The following LDLRAD3 variants were observed in gnomAD, a reference collection of about 807,000 sequenced individuals.
The protein encoded by LDLRAD3 is low density lipoprotein receptor class A domain containing 3.
In LDLRAD3, 20 loss-of-function variants were observed where a neutral mutation model predicts 29.4. The ratio of observed to expected loss-of-function variants is 0.68; its 90% CI spans 0.48 to 0.99. The LOEUF is 0.99. Among genes scored for constraint, LDLRAD3 ranks in the 50% least tolerant of loss-of-function variants. LDLRAD3 has a pLI of 0.00. For missense variants in LDLRAD3, 420 were observed against 454.3 expected (o/e 0.92, Z 0.69); for synonymous variants, 157 against 192.7 (o/e 0.81, Z 1.53).
chr11:36,206,797 G>T (rs1855216787), intron 4 of LDLRAD3, among the ~76,000 whole-genome samples: 1 of 149,988 alleles, frequency 6.7e-6, no homozygotes, highest in Non-Finnish European at 1.5e-5. Context: ...TGCGATCTTG[G>T]CTCACTTCAA....
At chr11:36,191,576 C>CTCTCTCTCTCTCTATA (rs377747518) in intron 4 of LDLRAD3, among the ~76,000 whole-genome samples, 14 of 53,416 alleles carry the variant, frequency 2.6e-4, no homozygotes, top group Admixed American at 4.1e-4. Flanking sequence ...CTCTCTCTCT[C>CTCTCTCTCTCTCTATA]TATATATATA....
chr11:36,073,352 T>C (rs939718847), intron 2 of LDLRAD3, among the ~76,000 whole-genome samples: 1 of 152,242 alleles, frequency 6.6e-6, no homozygotes, highest in Non-Finnish European at 1.5e-5. Context: ...TGAATTCAAG[T>C]ATTCAATGGA....
At chr11:36,014,232 G>A (rs774851290) in intron 1 of LDLRAD3, among the ~76,000 whole-genome samples, 1 of 152,202 alleles carries the variant, frequency 6.6e-6, no homozygotes, top group African/African-American at 2.4e-5. Flanking sequence ...CTGGGCAGAA[G>A]TTTGAACAGA....
intron 3 of LDLRAD3, among the ~76,000 whole-genome samples, chr11:36,086,068 A>T (rs1237280419): frequency 6.6e-6 from 1 of 152,048 alleles, no homozygotes; most frequent in East Asian, 1.9e-4. Context: ...AGTTGTTTAA[A>T]TTTCAGTTAC....
At chr11:36,021,691 G>C (rs1852097743) in intron 1 of LDLRAD3, among the ~76,000 whole-genome samples, 1 of 152,148 alleles carries the variant, frequency 6.6e-6, no homozygotes, top group African/African-American at 2.4e-5. Context: ...TCCCAGGCTG[G>C]AGTGCAGTGG....
intron 2 of LDLRAD3, among the ~76,000 whole-genome samples, chr11:36,042,254 T>A (rs1449295322): frequency 1.3e-5 from 2 of 152,142 alleles, no homozygotes; most frequent in Non-Finnish European, 2.9e-5. Flanking sequence ...AGTAGAGATG[T>A]GGGGAAAAAG....
chr11:36,107,262 G>A (rs11033429), intron 4 of LDLRAD3, among the ~76,000 whole-genome samples: 24,815 of 150,948 alleles, frequency 0.16, 2,352 homozygotes, highest in Admixed American at 0.26. Context: ...GTGCAATGGC[G>A]CGATCTTGGC....
chr11:36,141,182 G>A (rs1854081855), intron 4 of LDLRAD3, among the ~76,000 whole-genome samples: 2 of 152,162 alleles, frequency 1.3e-5, no homozygotes, highest in South Asian at 2.1e-4. Flanking sequence ...TGTCAACTAG[G>A]AAGCAATGCA....
At chr11:36,033,373 G>A (rs1394608369) in intron 1 of LDLRAD3, among the ~76,000 whole-genome samples, 2 of 152,172 alleles carry the variant, frequency 1.3e-5, no homozygotes, top group East Asian at 3.9e-4. Flanking sequence ...TAACAGACAT[G>A]GTATTTAGTC....
chr11:35,981,981 G>A (rs1027407625), intron 1 of LDLRAD3, among the ~76,000 whole-genome samples: 5 of 152,164 alleles, frequency 3.3e-5, no homozygotes, highest in African/African-American at 1.2e-4. Flanking sequence ...CACCAGTGTT[G>A]TTTCCTCGGC....
chr11:36,034,529 C>T (rs1204705062), intron 1 of LDLRAD3, among the ~76,000 whole-genome samples: 1 of 152,178 alleles, frequency 6.6e-6, no homozygotes, highest in Non-Finnish European at 1.5e-5. Context: ...GCGATGAAAG[C>T]TCATTTTCAG....
At chr11:35,957,462 G>T (rs551703681) in intron 1 of LDLRAD3, among the ~76,000 whole-genome samples, 57 of 152,270 alleles carry the variant, frequency 3.7e-4, no homozygotes, top group Non-Finnish European at 1.3e-4. Flanking sequence ...ATGGTCATGA[G>T]AATCCAGTTG....
chr11:36,064,085 C>T (rs1176616988), intron 2 of LDLRAD3, among the ~76,000 whole-genome samples: 1 of 152,084 alleles, frequency 6.6e-6, no homozygotes, highest in African/African-American at 2.4e-5. Flanking sequence ...TTCTTTATTT[C>T]AGTGATGTGT....
chr11:36,002,043 C>A (rs1161714743), intron 1 of LDLRAD3, among the ~76,000 whole-genome samples: 1 of 152,184 alleles, frequency 6.6e-6, no homozygotes, highest in African/African-American at 2.4e-5. Context: ...CAAAGGGCCC[C>A]TTTTGCTGGG....
At chr11:36,125,386 G>A (rs765911347) in intron 4 of LDLRAD3, among the ~76,000 whole-genome samples, 34 of 152,166 alleles carry the variant, frequency 2.2e-4, no homozygotes, top group Non-Finnish European at 4.0e-4. Context: ...CTGTAAAATA[G>A]GAATAATGAT....
chr11:36,143,533 TC>T (rs1854117617), intron 4 of LDLRAD3, among the ~76,000 whole-genome samples: 1 of 152,214 alleles, frequency 6.6e-6, no homozygotes, highest in South Asian at 2.1e-4. Flanking sequence ...TTTTCCCACT[TC>T]CTGTTTGAGC....
chr11:36,106,840 C>G (rs1853536078), intron 4 of LDLRAD3, among the ~76,000 whole-genome samples: 1 of 152,224 alleles, frequency 6.6e-6, no homozygotes, highest in African/African-American at 2.4e-5. Flanking sequence ...GCAGAATGGC[C>G]AGAGGAAATG....
chr11:35,993,556 AG>A (rs1851715165), intron 1 of LDLRAD3, among the ~76,000 whole-genome samples: 1 of 152,164 alleles, frequency 6.6e-6, no homozygotes, highest in South Asian at 2.1e-4. Flanking sequence ...AATGAAGAAA[AG>A]ACATACAAGT....
At chr11:36,140,539 C>T (rs1487999307) in intron 4 of LDLRAD3, among the ~76,000 whole-genome samples, 1 of 152,102 alleles carries the variant, frequency 6.6e-6, no homozygotes, top group Non-Finnish European at 1.5e-5. Context: ...AGCGATCCTC[C>T]CACCTCAGTC....
Sources: gnomAD v4.1 joint callset for allele counts (sites outside exome capture counted in the v4.1 genomes callset) on GRCh38, gnomAD v4.1.1 for gene constraint, MANE v1.5 for transcripts, NCBI Gene and HGNC (gene_info 2026-07-23, HGNC 2026-07-21) for gene names.